The following GNPDA2 variants were observed in gnomAD, a reference collection of about 807,000 sequenced individuals.
GNPDA2 encodes glcN6P deaminase 2.
GNPDA2 carries 24 observed loss-of-function variants against 27.0 expected under a neutral mutation model. The observed-to-expected ratio is 0.89, with a 90% CI of 0.64 to 1.25. The LOEUF (loss-of-function observed/expected upper bound fraction) is 1.25. Among genes scored for constraint, GNPDA2 ranks in the 50% most tolerant of loss-of-function variants. The pLI, the probability that GNPDA2 is intolerant of heterozygous loss-of-function variation, is 0.00. For missense variants in GNPDA2, 286 were observed against 335.1 expected (o/e 0.85, Z 1.14); for synonymous variants, 94 against 108.4 (o/e 0.87, Z 0.83).
Position 44,702,229 on chromosome 4 carries a change from G to A in GNPDA2, c.*852C>T. On this transcript the variant is annotated 3_prime_UTR_variant, in exon 7 of 7. Coordinates refer to ENST00000295448, the MANE Select transcript of GNPDA2 (RefSeq NM_138335.3). ...TTATGTAAATTGCTATGGCAATGTA[G>A]TTTACAGTAATTCCTTTTATATATA... The A allele has an allele frequency of 1.4e-6, 1 of 702,840 alleles. No individual in the cohort carries two copies. The highest frequency in any genetic ancestry group is 6.4e-5 in the South Asian group (1 of 15,664). The allele number at this position is 702,840 out of a possible 1,614,324, so 43.5% of individuals were successfully genotyped here. A position where few individuals can be genotyped will look rare whatever the true frequency, so the allele number is the denominator to read the frequency against.
rs1716323685 is a variant in GNPDA2 at position 44,702,316 on chromosome 4, A to G, written c.*765T>C. 1 of 702,784 alleles carries G rather than the reference A, an allele frequency of 1.4e-6. No individual in the cohort carries two copies. Among genetic ancestry groups the G allele is most frequent in the African/African-American group, 1.9e-5 (1 of 51,640 alleles). The allele number at this position is 702,784 out of a possible 1,614,324, so 43.5% of individuals were successfully genotyped here. A position where few individuals can be genotyped will look rare whatever the true frequency, so the allele number is the denominator to read the frequency against. On this transcript the variant is annotated 3_prime_UTR_variant, in exon 7 of 7. Transcript: ENST00000295448. The stretch of plus-strand genomic sequence containing the variant: ...AAGCTAATTGTATATTAAGTTTAAC[A>G]ATAATCAGAAAATATTCTCCAAAAG...
rs187106109 is a variant in GNPDA2, at chr4:44,719,237, G to A, written c.125-827C>T. 9.6e-3 allele frequency among the ~76,000 whole-genome samples: 1,451 copies of A among 151,770 alleles called. 18 individuals carry two copies. The highest frequency in any genetic ancestry group is 0.034 in the African/African-American group (1,390 of 41,404). ...CATTCTTCTAACAAGTTATCTGGCCGTCCCAATCCTAGTTGGAGTACTGAT... is the reference window on the plus strand; with the variant it reads ...CATTCTTCTAACAAGTTATCTGGCCATCCCAATCCTAGTTGGAGTACTGAT... On this transcript the variant is annotated intron_variant, in intron 2 of 6. Coordinates refer to ENST00000295448, the MANE Select transcript of GNPDA2 (RefSeq NM_138335.3).
chr4:44,719,532 A>C (rs1463425848), intron 2 of GNPDA2, among the ~76,000 whole-genome samples: 1 of 152,076 alleles, frequency 6.6e-6, no homozygotes, highest in Non-Finnish European at 1.5e-5. Flanking sequence ...TTATTAATTT[A>C]AAAATTATGT....
chr4:44,722,203 C>T lies in GNPDA2; in HGVS notation c.5G>A (p.Arg2Lys), dbSNP rs1269491990. MRLVILDNYDLA... is the reference protein window; with the variant it reads MKLVILDNYDLA... The stretch of plus-strand genomic sequence containing the variant: ...GTCATAGTTATCAAGAATTACAAGC[C>T]TCATTACGGTGACGCACAGCTTCCA... The change falls in exon 2 of 7, where the codon AGG (arginine) becomes AAG (lysine). Residue 2 changes from arginine to lysine, a missense_variant. Transcript: ENST00000295448. 4 of 1,613,206 alleles carry T rather than the reference C, an allele frequency of 2.5e-6. No individual in the cohort carries two copies. The highest frequency in any genetic ancestry group is 3.4e-6 in the Non-Finnish European group (4 of 1,179,502).
chr4:44,703,029 A>T lies in GNPDA2; in HGVS notation c.*52T>A. ...TTGCATAGCTGAAAATTCATCTACT[A>T]CTTAGTAAAAAGTGCTCTGTTCATT... On this transcript the variant is annotated 3_prime_UTR_variant, in exon 7 of 7. Transcript: ENST00000295448. The T allele has an allele frequency of 6.2e-7, 1 of 1,601,140 alleles. No individual in the cohort carries two copies. Among genetic ancestry groups the T allele is most frequent in the Non-Finnish European group, 8.5e-7 (1 of 1,176,408 alleles).
intron 6 of GNPDA2, chr4:44,704,761 C>T: frequency 2.0e-6 from 2 of 984,598 alleles, no homozygotes; most frequent in Non-Finnish European, 2.4e-6. Flanking sequence ...CAGATTCTAA[C>T]CAATGTCTAT....
chr4:44,714,365 G>A (rs2109708981), intron 4 of GNPDA2: 1 of 985,286 alleles, frequency 1.0e-6, no homozygotes, highest in East Asian at 1.1e-4. Flanking sequence ...CCCTTTCTCT[G>A]AACACGTTTG....
chr4:44,722,479 T>C (rs1298560792), intron 1 of GNPDA2, among the ~76,000 whole-genome samples: 1 of 152,196 alleles, frequency 6.6e-6, no homozygotes, highest in African/African-American at 2.4e-5. Context: ...CATTTAAGTA[T>C]AGTTAGCCTT....
At position 44,703,076 on chromosome 4, in the gene GNPDA2, C is replaced by T. The variant is rs780344764; in HGVS notation, c.*5G>A. On this transcript the variant is annotated 3_prime_UTR_variant, in exon 7 of 7. Transcript: ENST00000295448. The stretch of plus-strand genomic sequence containing the variant: ...CATTCAAGCTGAATTTTGCTCCAGT[C>T]TCCTTCAGTTTCCATCTTTCATACT... 7 of 1,611,598 alleles carry T rather than the reference C, an allele frequency of 4.3e-6. No individual in the cohort carries two copies. In the South Asian group the frequency reaches 7.7e-5, roughly 18 times the overall value.
intron 6 of GNPDA2, chr4:44,707,381 G>GT: frequency 3.8e-6 from 1 of 262,810 alleles, no homozygotes; most frequent in East Asian, 6.7e-5. Context: ...TTAGAGGGGA[G>GT]TGAGGAAGAG....
In GNPDA2 at chr4:44,702,707, T is replaced by G. The variant is rs1168331815; in HGVS notation, c.*374A>C. On this transcript the variant is annotated 3_prime_UTR_variant, in exon 7 of 7. Coordinates refer to ENST00000295448, the MANE Select transcript of GNPDA2 (RefSeq NM_138335.3). ...AATGATAGTTTGTTATCTGAAAGGT[T>G]TGGAGTGTCTTGTCATTAAAAAATG... 1 of 1,051,728 alleles carries G rather than the reference T, an allele frequency of 9.5e-7. No homozygotes were observed. The highest frequency in any genetic ancestry group is 1.0e-4 in the East Asian group (1 of 10,026). 65.1% of individuals were successfully genotyped at this position (1,051,728 alleles called of 1,614,324 possible). A position where few individuals can be genotyped will look rare whatever the true frequency, so the allele number is the denominator to read the frequency against.
Position 44,711,223 on chromosome 4 carries a change from C to CACTT in GNPDA2, c.410-87_410-86insAAGT, listed in dbSNP as rs1254265573. 19 of 705,730 alleles carry CACTT rather than the reference C, an allele frequency of 2.7e-5. No individual in the cohort carries two copies. In the African/African-American group the frequency reaches 3.7e-4, roughly 14 times the overall value. The allele number at this position is 705,730 out of a possible 1,614,324, so 43.7% of individuals were successfully genotyped here. A position where few individuals can be genotyped will look rare whatever the true frequency, so the allele number is the denominator to read the frequency against. ...GTGCGTTAAAGAACAAAAAAAAAATCACCTTGTTTTATTTTATACTTGAAT... is the reference window on the plus strand; with the variant it reads ...GTGCGTTAAAGAACAAAAAAAAAATCACTTACCTTGTTTTATTTTATACTTGAAT... On this transcript the variant is annotated intron_variant, in intron 4 of 6. Transcript: ENST00000295448.
intron 5 of GNPDA2, among the ~76,000 whole-genome samples, chr4:44,710,571 A>C (rs914678451): frequency 6.6e-6 from 1 of 152,170 alleles, no homozygotes; most frequent in Non-Finnish European, 1.5e-5. Flanking sequence ...AAAGCATTTA[A>C]ATCATCCTGT....
intron 1 of GNPDA2, among the ~76,000 whole-genome samples, chr4:44,723,969 G>A (rs1197138231): frequency 6.6e-6 from 1 of 152,168 alleles, no homozygotes; most frequent in Non-Finnish European, 1.5e-5. Flanking sequence ...CAGATGAAGG[G>A]ATGGCCCATG....
intron 5 of GNPDA2, among the ~76,000 whole-genome samples, chr4:44,710,304 C>A (rs1040000597): frequency 6.6e-6 from 1 of 152,056 alleles, no homozygotes; most frequent in Non-Finnish European, 1.5e-5. Context: ...TCCAATCTGG[C>A]TACCAGAAAG....
chr4:44,723,476 T>C (rs755556634), intron 1 of GNPDA2, among the ~76,000 whole-genome samples: 1 of 152,154 alleles, frequency 6.6e-6, no homozygotes, highest in African/African-American at 2.4e-5. Flanking sequence ...AACTCCCACT[T>C]GTAAGTGAGA....
intron 4 of GNPDA2, among the ~76,000 whole-genome samples, chr4:44,716,856 A>T (rs1717323843): frequency 6.6e-6 from 1 of 151,876 alleles, no homozygotes; most frequent in Non-Finnish European, 1.5e-5. Context: ...GGTAATTAAC[A>T]GAGTTTAACG....
chr4:44,723,444 T>A (rs1484194328), intron 1 of GNPDA2, among the ~76,000 whole-genome samples: 2 of 152,148 alleles, frequency 1.3e-5, no homozygotes, highest in African/African-American at 4.8e-5. Flanking sequence ...CTACTTTCCA[T>A]CACCACGTGT....
chr4:44,722,776 A>G (rs1260385256), intron 1 of GNPDA2, among the ~76,000 whole-genome samples: 1 of 152,166 alleles, frequency 6.6e-6, no homozygotes, highest in Non-Finnish European at 1.5e-5. Context: ...GGGATCCTAG[A>G]ATCAATCCCC....
Sources: allele counts gnomAD v4.1 joint callset (sites outside exome capture counted in the v4.1 genomes callset), GRCh38; gene constraint gnomAD v4.1.1; transcripts MANE v1.5; gene names NCBI Gene and HGNC (gene_info 2026-07-23, HGNC 2026-07-21).